TADA2A: variants seen among roughly 807,000 people sequenced by gnomAD.
TADA2A encodes the protein transcriptional adaptor 2A.
Under a neutral mutation model 67.4 loss-of-function variants are expected in TADA2A, and 38 were observed. The ratio of observed to expected loss-of-function variants is 0.56; its 90% confidence interval spans 0.44 to 0.74. The LOEUF (loss-of-function observed/expected upper bound fraction) is 0.74, where lower values mean the gene tolerates loss of function less well. Among genes scored for constraint, TADA2A ranks in the 30% least tolerant of loss-of-function variants. TADA2A has a pLI of 0.00. For missense variants in TADA2A, 454 were observed against 547.0 expected, an observed-to-expected ratio of 0.83 and a Z score of 1.70; for synonymous variants, 192 against 181.6, an observed-to-expected ratio of 1.06 and a Z score of -0.46.
intron 8 of TADA2A, among the ~76,000 whole-genome samples, chr17:37,451,030 CT>C (rs142724520): frequency 8.1e-5 from 12 of 148,672 alleles, no homozygotes; most frequent in Admixed American, 1.4e-4. Context: ...TATTCAGAGG[CT>C]TTTTTTTTTA....
At chr17:37,470,272 T>C (rs2053757963) in intron 12 of TADA2A, 128 bp from the exon 13 acceptor site, 1 of 1,079,142 alleles carries the variant, frequency 9.3e-7, no homozygotes. Flanking sequence ...GAGAAATAAT[T>C]GTGAAAGCAG....
chr17:37,440,601 C>G lies in TADA2A; in HGVS notation c.381C>G (p.Thr127=), dbSNP rs1597891298. 2 of 1,613,942 alleles carry G rather than the reference C, an allele frequency of 1.2e-6. No homozygotes were observed. The highest frequency in any genetic ancestry group is 2.7e-5 in the African/African-American group (2 of 74,868). Residue 127 remains threonine, a synonymous_variant, in exon 6 of 16, where the codon ACC becomes ACG. Transcript: ENST00000615182. ...TCAATAACCCTCTGTTTGCATCTAC[C>G]CTGCTGAACCTGAAACAAGCAGAGG... The part of the protein sequence containing the change: ...HFINNPLFAS[T]LLNLKQAEEA...
At position 37,440,523 on chromosome 17, in the gene TADA2A, A is replaced by G. The variant is rs768628799; in HGVS notation, c.303A>G (p.Gln101=). The change falls in exon 6 of 16, where the codon CAA becomes CAG. Residue 101 remains glutamine, a synonymous_variant. Coordinates refer to ENST00000615182, the MANE Select transcript of TADA2A (RefSeq NM_001166105.3). ...GFGNWQDVAN[Q]MCTKTKEECE... is the part of the protein sequence containing the mutation. ...CCTCTAGGCAGGATGTAGCCAATCA[A>G]ATGTGCACCAAGACCAAGGAGGAGT... is the stretch of plus-strand genomic sequence containing the variant. The G allele has an allele frequency of 1.1e-4, 179 of 1,614,018 alleles. No homozygotes were observed. The highest frequency in any genetic ancestry group is 1.5e-4 in the Non-Finnish European group (176 of 1,180,026).
chr17:37,464,009 CTG>C lies in TADA2A; in HGVS notation c.713-1420_713-1419del, dbSNP rs1366754619. On this transcript the variant is annotated intron_variant, in intron 10 of 15. Transcript: ENST00000615182. ...AAAAATAGCTGTCATAAATGAAAGT[CTG>C]TATCGTTAGTCCAAGAGTAGATAGA... 3.3e-5 allele frequency among the ~76,000 whole-genome samples: 5 copies of C among 152,022 alleles called. No homozygotes were observed. The South Asian group carries it at 6.2e-4, about 19-fold the overall frequency.
At chr17:37,409,767 C>CA (rs71135718) in intron 1 of TADA2A, among the ~76,000 whole-genome samples, 63,276 of 141,760 alleles carry the variant, frequency 0.45, 14,233 homozygotes, top group East Asian at 0.82. Context: ...GACTTAGTCT[C>CA]AAAAAAAAAC....
intron 15 of TADA2A, 134 bp downstream of exon 15, chr17:37,474,763 C>G: frequency 1.0e-6 from 1 of 978,452 alleles, no homozygotes; most frequent in Non-Finnish European, 1.5e-6. Context: ...CTGGTGAATC[C>G]TAGAAGTCCA....
At chr17:37,408,334 C>G (rs2051712091) in intron 1 of TADA2A, 1 of 152,270 alleles carries the variant, frequency 6.6e-6, no homozygotes, top group Non-Finnish European at 1.5e-5. Flanking sequence ...CCCACCGCAA[C>G]CTCCACCTCC....
At chr17:37,462,783 G>A (rs2053577395) in intron 10 of TADA2A, among the ~76,000 whole-genome samples, 1 of 152,092 alleles carries the variant, frequency 6.6e-6, no homozygotes, top group African/African-American at 2.4e-5. Flanking sequence ...TTGCAACTAT[G>A]TGTTAAGCAT....
At chr17:37,409,190 A>G (rs2051777585) in intron 1 of TADA2A, among the ~76,000 whole-genome samples, 1 of 151,614 alleles carries the variant, frequency 6.6e-6, no homozygotes, top group Non-Finnish European at 1.5e-5. Flanking sequence ...GGTTCAAGCA[A>G]CTCTCATGCC....
At chr17:37,471,643 G>T (rs2053789445) in intron 14 of TADA2A, among the ~76,000 whole-genome samples, 1 of 151,940 alleles carries the variant, frequency 6.6e-6, no homozygotes, top group Non-Finnish European at 1.5e-5. Flanking sequence ...GAACAGCTGG[G>T]ATTACAGGCA....
intron 12 of TADA2A, among the ~76,000 whole-genome samples, chr17:37,468,137 T>TGATACATG (rs1308907628): frequency 6.6e-6 from 1 of 152,084 alleles, no homozygotes; most frequent in Non-Finnish European, 1.5e-5. Flanking sequence ...TCAAATTTAA[T>TGATACATG]GATACATGGT....
intron 9 of TADA2A, among the ~76,000 whole-genome samples, chr17:37,459,932 G>A (rs2053505233): frequency 6.6e-6 from 1 of 151,574 alleles, no homozygotes. Context: ...TGGGGGTGGT[G>A]GTGCATGCCT....
At chr17:37,423,358 CT>C in intron 2 of TADA2A, 150 bp from the exon 3 acceptor site, 15 of 573,270 alleles carry the variant, frequency 2.6e-5, no homozygotes, top group South Asian at 6.0e-5. Flanking sequence ...ATAATTTTTG[CT>C]TTTTTTTATT....
intron 15 of TADA2A, among the ~76,000 whole-genome samples, chr17:37,475,946 T>G (rs905993340): frequency 6.6e-6 from 1 of 152,252 alleles, no homozygotes; most frequent in African/African-American, 2.4e-5. Context: ...CTTTTGCTCC[T>G]CATATGCTCC....
At chr17:37,437,659 GTA>G (rs2052772598) in intron 4 of TADA2A, 77 bp from the exon 5 acceptor site, 7 of 1,290,226 alleles carry the variant, frequency 5.4e-6, no homozygotes, top group Admixed American at 1.7e-5. Flanking sequence ...AGTGCTGGGA[GTA>G]TAGGCGTGAG....
intron 8 of TADA2A, among the ~76,000 whole-genome samples, chr17:37,449,311 G>A (rs1299054740): frequency 1.3e-5 from 2 of 152,164 alleles, no homozygotes; most frequent in Non-Finnish European, 2.9e-5. Context: ...GTGAGCCACC[G>A]TGCCCGGCCT....
intron 10 of TADA2A, 69 bp downstream of exon 10, chr17:37,462,190 A>G: frequency 9.1e-7 from 1 of 1,094,012 alleles, no homozygotes; most frequent in South Asian, 1.4e-5. Flanking sequence ...TAAATAAATC[A>G]CGTATTGTAG....
At chr17:37,429,249 T>C (rs2052501909) in intron 4 of TADA2A, among the ~76,000 whole-genome samples, 2 of 151,910 alleles carry the variant, frequency 1.3e-5, no homozygotes. Flanking sequence ...ACCTCAACTA[T>C]GTATAAGGAC....
chr17:37,440,070 A>G (rs1008549763), intron 5 of TADA2A, among the ~76,000 whole-genome samples: 11 of 151,556 alleles, frequency 7.3e-5, no homozygotes, highest in Non-Finnish European at 1.5e-4. Context: ...CAGCCTCCCA[A>G]GTAGCTGGGA....
Sources: gnomAD v4.1 joint callset for allele counts (sites outside exome capture counted in the v4.1 genomes callset) on GRCh38, gnomAD v4.1.1 for gene constraint, MANE v1.5 for transcripts, NCBI Gene and HGNC (gene_info 2026-07-23, HGNC 2026-07-21) for gene names.